Variants in ST18 observed in about 807,000 individuals in gnomAD.
The protein encoded by ST18 is suppression of tumorigenicity 18 protein.
Under a neutral mutation model 110.0 loss-of-function variants are expected in ST18, and 50 were observed. The ratio of observed to expected loss-of-function variants is 0.45; its 90% CI spans 0.36 to 0.58. The LOEUF (loss-of-function observed/expected upper bound fraction) is 0.58. Ranked by LOEUF, ST18 falls within the 20% of genes least tolerant of loss-of-function variation. The pLI is 0.00. For synonymous variants in ST18, 461 were observed against 452.4 expected (o/e 1.02, Z -0.24); for missense variants, 1,306 against 1,280.1 (o/e 1.02, Z -0.31).
intron 23 of ST18, among the ~76,000 whole-genome samples, chr8:52,121,253 G>A (rs1044205715): frequency 2.6e-5 from 4 of 152,112 alleles, no homozygotes; most frequent in Non-Finnish European, 4.4e-5. Flanking sequence ...AGCTTGTGAG[G>A]GAAGATCATA....
At chr8:52,171,194 G>A (rs2064844941) in intron 10 of ST18, among the ~76,000 whole-genome samples, 1 of 152,166 alleles carries the variant, frequency 6.6e-6, no homozygotes, top group South Asian at 2.1e-4. Flanking sequence ...AAAGAGCAGG[G>A]GGAATGCTCC....
intron 7 of ST18, among the ~76,000 whole-genome samples, chr8:52,213,028 T>G (rs1275332627): frequency 6.6e-6 from 1 of 152,214 alleles, no homozygotes; most frequent in East Asian, 1.9e-4. Context: ...GGTATCCTAT[T>G]GAGAAGTTTG....
chr8:52,283,307 A>T (rs2095417617), intron 2 of ST18, among the ~76,000 whole-genome samples: 2 of 152,186 alleles, frequency 1.3e-5, no homozygotes, highest in Admixed American at 1.3e-4. Context: ...GATGCTGAGA[A>T]GGTTTGGTAA....
At chr8:52,287,319 T>C (rs1351127177) in intron 2 of ST18, among the ~76,000 whole-genome samples, 4 of 152,248 alleles carry the variant, frequency 2.6e-5, no homozygotes, top group Non-Finnish European at 5.9e-5. Flanking sequence ...GATAAAATTA[T>C]CTGGGTAATT....
intron 2 of ST18, among the ~76,000 whole-genome samples, chr8:52,351,032 C>T (rs1325667980): frequency 6.6e-6 from 1 of 152,094 alleles, no homozygotes; most frequent in Non-Finnish European, 1.5e-5. Context: ...CTTTTTTTGA[C>T]TGCTACTCCC....
At chr8:52,224,376 T>G (rs1006744745) in intron 3 of ST18, among the ~76,000 whole-genome samples, 1 of 152,228 alleles carries the variant, frequency 6.6e-6, no homozygotes, top group East Asian at 1.9e-4. Context: ...CTTTTGCCAC[T>G]TTATATTTAT....
intron 3 of ST18, among the ~76,000 whole-genome samples, chr8:52,228,815 C>A (rs1442512798): frequency 6.6e-6 from 1 of 152,124 alleles, no homozygotes; most frequent in African/African-American, 2.4e-5. Context: ...ACTCGGCATT[C>A]TTTGACTGTC....
Position 52,172,024 on chromosome 8 carries a change from C to T in ST18, c.837G>A (p.Glu279=), listed in dbSNP as rs2065143527. ...CTGCCAGGCTCTCGCTATCTTCCTCCTCAACGTCAGGGAATGAGGGCTGGG... is the reference window on the plus strand; with the variant it reads ...CTGCCAGGCTCTCGCTATCTTCCTCTTCAACGTCAGGGAATGAGGGCTGGG... The part of the protein sequence containing the change: ...GNAQPSFPDV[E]EEDSESLAVM... The change falls in exon 10 of 26, where the codon GAG becomes GAA. Residue 279 remains glutamate, a synonymous_variant. Transcript: ENST00000689386. The T allele has an allele frequency of 1.2e-6, 2 of 1,614,114 alleles. No homozygotes were observed. Among genetic ancestry groups the T allele is most frequent in the Non-Finnish European group, 1.7e-6 (2 of 1,180,044 alleles).
intron 23 of ST18, among the ~76,000 whole-genome samples, chr8:52,119,218 G>A (rs994496185): frequency 5.9e-5 from 9 of 152,128 alleles, no homozygotes; most frequent in Non-Finnish European, 1.0e-4. Context: ...AATGTAGAGC[G>A]CTAAACATGC....
chr8:52,333,057 C>T (rs573548526), intron 2 of ST18, among the ~76,000 whole-genome samples: 2 of 152,180 alleles, frequency 1.3e-5, no homozygotes, highest in East Asian at 3.9e-4. Flanking sequence ...ACAAGTCTGT[C>T]AGACTCTAGA....
intron 6 of ST18, among the ~76,000 whole-genome samples, chr8:52,216,965 C>T (rs951331224): frequency 6.6e-6 from 1 of 152,110 alleles, no homozygotes; most frequent in African/African-American, 2.4e-5. Flanking sequence ...AGAGATGAGG[C>T]ACATGATTAT....
At chr8:52,169,031 C>G (rs2063910342) in intron 10 of ST18, among the ~76,000 whole-genome samples, 1 of 152,262 alleles carries the variant, frequency 6.6e-6, no homozygotes, top group African/African-American at 2.4e-5. Flanking sequence ...CCCTCCTCGC[C>G]ACACTGTTTG....
At position 52,217,848 on chromosome 8, in the gene ST18, C is replaced by G. The variant is rs2084959636; in HGVS notation, c.-103G>C. On this transcript the variant is annotated 5_prime_UTR_variant, in exon 6 of 26. Coordinates refer to ENST00000689386, the MANE Select transcript of ST18 (RefSeq NM_001352837.2). ...ATAAGCAGGTCTCTTCCACATCGCCCCAGTGCACAGATCTGGTACCTTCTT... is the reference window on the plus strand; with the variant it reads ...ATAAGCAGGTCTCTTCCACATCGCCGCAGTGCACAGATCTGGTACCTTCTT... 6.6e-6 allele frequency: 1 copy of G among 152,132 alleles called. No individual in the cohort carries two copies. Among genetic ancestry groups the G allele is most frequent in the Non-Finnish European group, 1.5e-5 (1 of 68,020 alleles). The allele number at this position is 152,132 out of a possible 1,614,324, so 9.4% of individuals were successfully genotyped here. A position where few individuals can be genotyped will look rare whatever the true frequency, so the allele number is the denominator to read the frequency against.
chr8:52,338,746 C>CT lies in ST18; in HGVS notation c.-465+70581dup, dbSNP rs548755394. 3.6e-3 allele frequency among the ~76,000 whole-genome samples: 541 copies of CT among 150,858 alleles called. 3 individuals carry two copies. The highest frequency in any genetic ancestry group is 0.011 in the African/African-American group (468 of 41,164). ...GCCTCTTTTTTTTCTGTTTCTCTTT[C>CT]TTTTTTTTTAAAGATAATGTCTTGC... On this transcript the variant is annotated intron_variant, in intron 2 of 25. Transcript: ENST00000689386.
chr8:52,119,921 A>T (rs183161739), intron 23 of ST18, among the ~76,000 whole-genome samples: 1 of 152,328 alleles, frequency 6.6e-6, no homozygotes, highest in East Asian at 1.9e-4. Flanking sequence ...ATTTAATGAA[A>T]AAAGGAAAAC....
chr8:52,305,694 G>A lies in ST18; in HGVS notation c.-464-75617C>T, dbSNP rs10088777. Among the ~76,000 whole-genome samples the A allele has an allele frequency of 7.6e-3, 1,156 of 152,200 alleles. 16 individuals carry two copies. Among genetic ancestry groups the A allele is most frequent in the African/African-American group, 0.026 (1,100 of 41,530 alleles). On this transcript the variant is annotated intron_variant, in intron 2 of 25. Coordinates refer to ENST00000689386, the MANE Select transcript of ST18 (RefSeq NM_001352837.2). ...CCCTGACCTCTGTCTTTCACTCACC[G>A]CATCCGGTGTATCAGCAAATCCTCT...
chr8:52,235,418 T>A (rs2092472597), intron 2 of ST18, among the ~76,000 whole-genome samples: 1 of 152,158 alleles, frequency 6.6e-6, no homozygotes, highest in South Asian at 2.1e-4. Flanking sequence ...TGCTCTTCTC[T>A]CTGCTTCTCT....
intron 3 of ST18, 129 bp from the exon 4 acceptor site, chr8:52,221,922 A>G (rs568654842): frequency 1.3e-5 from 2 of 150,664 alleles, no homozygotes; most frequent in African/African-American, 4.9e-5. Flanking sequence ...AAAAAAAAAA[A>G]CGGCTTTCTC....
At chr8:52,236,070 G>C (rs1395528714) in intron 2 of ST18, among the ~76,000 whole-genome samples, 3 of 152,176 alleles carry the variant, frequency 2.0e-5, no homozygotes, top group Non-Finnish European at 4.4e-5. Flanking sequence ...AGTGGCAGTG[G>C]TGGGAAGTAG....
Sources: allele counts gnomAD v4.1 joint callset (sites outside exome capture counted in the v4.1 genomes callset), GRCh38; gene constraint gnomAD v4.1.1; transcripts MANE v1.5; gene names NCBI Gene and HGNC (gene_info 2026-07-23, HGNC 2026-07-21).